FHL2: variants seen among roughly 807,000 people sequenced by gnomAD.
The protein encoded by FHL2 is four and a half LIM domains 2, also known as four and a half LIM domains protein 2.
FHL2 carries 20 observed loss-of-function variants against 32.7 expected under a neutral mutation model. That is an observed-to-expected ratio of 0.61 (90% CI 0.43 to 0.89). FHL2 has a LOEUF of 0.89. Among genes scored for constraint, FHL2 ranks in the 40% least tolerant of loss-of-function variants. The pLI, the probability that FHL2 is intolerant of heterozygous loss-of-function variation, is 0.00. For missense variants in FHL2, 311 were observed against 358.6 expected (o/e 0.87, Z 1.07); for synonymous variants, 123 against 128.1 (o/e 0.96, Z 0.27).
chr2:105,365,706 G>A (rs1231284239), intron 5 of FHL2, among the ~76,000 whole-genome samples: 1 of 151,736 alleles, frequency 6.6e-6, no homozygotes, highest in Non-Finnish European at 1.5e-5. Context: ...GGTGGGTTTG[G>A]TGGTGGCACC....
At chr2:105,421,175 C>T (rs373060276) in intron 1 of FHL2, among the ~76,000 whole-genome samples, 27 of 152,320 alleles carry the variant, frequency 1.8e-4, no homozygotes, top group African/African-American at 6.5e-4. Context: ...GTGAACTGTC[C>T]CTGGTCCCAT....
intron 3 of FHL2, 76 bp from the exon 4 acceptor site, chr2:105,373,809 G>C: frequency 6.9e-7 from 1 of 1,445,054 alleles, no homozygotes; most frequent in Non-Finnish European, 9.6e-7. Flanking sequence ...GGCCCCTTGC[G>C]AATCTGCAGG....
At chr2:105,374,006 G>A (rs1358282836) in intron 3 of FHL2, 1 of 475,880 alleles carries the variant, frequency 2.1e-6, no homozygotes. Context: ...AAAAACAAAG[G>A]GATTTCCCTT....
intron 1 of FHL2, among the ~76,000 whole-genome samples, chr2:105,425,360 G>T (rs911098644): frequency 6.6e-6 from 1 of 151,352 alleles, no homozygotes; most frequent in East Asian, 1.9e-4. Context: ...GCAGAAAGCC[G>T]CAGGGAACTC....
At chr2:105,413,267 C>G (rs2104658404) in intron 1 of FHL2, among the ~76,000 whole-genome samples, 1 of 152,266 alleles carries the variant, frequency 6.6e-6, no homozygotes, top group African/African-American at 2.4e-5. Flanking sequence ...TATTTCTTCA[C>G]TCTCCTGACA....
intron 2 of FHL2, among the ~76,000 whole-genome samples, chr2:105,394,466 G>A (rs1682978231): frequency 6.6e-6 from 1 of 151,954 alleles, no homozygotes; most frequent in Non-Finnish European, 1.5e-5. Context: ...CTAGCTACCT[G>A]GGAGACTGAG....
At chr2:105,364,955 C>G (rs1269312745) in intron 5 of FHL2, among the ~76,000 whole-genome samples, 1 of 152,214 alleles carries the variant, frequency 6.6e-6, no homozygotes. Context: ...ACCCACCCCA[C>G]TGCACAAGAG....
intron 1 of FHL2, among the ~76,000 whole-genome samples, chr2:105,434,459 T>G (rs1045762227): frequency 2.0e-5 from 3 of 152,116 alleles, no homozygotes; most frequent in African/African-American, 7.2e-5. Context: ...TCCCAGCTAC[T>G]CAGGAGGCTG....
At chr2:105,377,922 G>C (rs1437688643) in intron 3 of FHL2, 2 of 400,892 alleles carry the variant, frequency 5.0e-6, no homozygotes, top group East Asian at 7.2e-5. Flanking sequence ...TACGCCCAGA[G>C]GGGTGGCAAG....
Position 105,361,108 on chromosome 2 carries a change from GACTGAACTATCAC to G in FHL2, c.*162_*174del, listed in dbSNP as rs1247782423. The G allele has an allele frequency of 3.5e-6, 2 of 572,232 alleles. No individual in the cohort carries two copies. The highest frequency in any genetic ancestry group is 5.8e-6 in the Non-Finnish European group (2 of 344,808). 35.4% of individuals were successfully genotyped at this position (572,232 alleles called of 1,614,324 possible). On this transcript the variant is annotated 3_prime_UTR_variant, in exon 7 of 7. Transcript: ENST00000530340. ...TAGGGCGAGTTTTCTCTTTCCCTGG[GACTGAACTATCAC>G]AAAGCACTAAAGGGTTTAAGCAAAC...
chr2:105,432,506 T>A (rs988656423), intron 1 of FHL2, among the ~76,000 whole-genome samples: 2 of 152,230 alleles, frequency 1.3e-5, no homozygotes, highest in Non-Finnish European at 2.9e-5. Context: ...TCCTAAATTA[T>A]ATTTAAAGAG....
intron 2 of FHL2, among the ~76,000 whole-genome samples, chr2:105,388,996 T>A (rs373676931): frequency 3.3e-5 from 5 of 152,362 alleles, no homozygotes; most frequent in East Asian, 1.9e-4. Flanking sequence ...GGTTTGTGAT[T>A]ACAGTAATTT....
At chr2:105,426,091 C>T (rs1377382873) in intron 1 of FHL2, among the ~76,000 whole-genome samples, 1 of 152,192 alleles carries the variant, frequency 6.6e-6, no homozygotes. Flanking sequence ...TTTGCTTCCT[C>T]TTCGGCAATG....
intron 2 of FHL2, 31 bp downstream of exon 2, chr2:105,396,616 T>G: frequency 1.2e-6 from 2 of 1,600,416 alleles, no homozygotes; most frequent in Non-Finnish European, 1.7e-6. Flanking sequence ...ATCCACAATT[T>G]AGGATAACAG....
At position 105,367,105 on chromosome 2, in the gene FHL2, C is replaced by T. The variant is rs1472157501; in HGVS notation, c.501+465G>A. On this transcript the variant is annotated intron_variant, in intron 5 of 6. Transcript: ENST00000530340. ...GATACATTTAATAAATGATCTGTCC[C>T]ATATCCATGGAGGCAGACTTTTCTC... Among the ~76,000 whole-genome samples, 3 of 152,336 alleles carry T rather than the reference C, an allele frequency of 2.0e-5. No individual in the cohort carries two copies. In the South Asian group the frequency reaches 6.2e-4, roughly 32 times the overall value.
chr2:105,372,923 C>G lies in FHL2; in HGVS notation c.331+636G>C, dbSNP rs374732033. 3.9e-5 allele frequency among the ~76,000 whole-genome samples: 6 copies of G among 152,208 alleles called. No homozygotes were observed. The South Asian group carries it at 6.2e-4, about 16-fold the overall frequency. Reference sequence around the variant, plus strand: ...GCTTTTTAAAATAAAAGATTCTGCTCTCCTACATAAAAAACAAAACAAAAC... The same window carrying G: ...GCTTTTTAAAATAAAAGATTCTGCTGTCCTACATAAAAAACAAAACAAAAC... On this transcript the variant is annotated intron_variant, in intron 4 of 6. Coordinates refer to ENST00000530340, the MANE Select transcript of FHL2 (RefSeq NM_001318895.3).
intron 1 of FHL2, among the ~76,000 whole-genome samples, chr2:105,406,916 T>C (rs979158450): frequency 6.6e-6 from 1 of 152,156 alleles, no homozygotes; most frequent in African/African-American, 2.4e-5. Context: ...GTATCCCAAC[T>C]AGGAAAGCTG....
At chr2:105,359,832 C>G (rs946838688), downstream of FHL2, 1 of 152,162 alleles carries the variant, frequency 6.6e-6, no homozygotes, top group African/African-American at 2.4e-5. Context: ...CCTCAAGTTG[C>G]TTATGTCCTT....
At chr2:105,411,778 C>T (rs925725316) in intron 1 of FHL2, among the ~76,000 whole-genome samples, 3 of 151,402 alleles carry the variant, frequency 2.0e-5, no homozygotes, top group African/African-American at 4.9e-5. Flanking sequence ...GCCGAGATCA[C>T]GCCAGTGCAC....
Sources: gnomAD v4.1 joint callset for allele counts (sites outside exome capture counted in the v4.1 genomes callset) on GRCh38, gnomAD v4.1.1 for gene constraint, MANE v1.5 for transcripts, NCBI Gene and HGNC (gene_info 2026-07-23, HGNC 2026-07-21) for gene names.